TINAG: variants seen among roughly 807,000 people sequenced by gnomAD.
TINAG encodes tubulointerstitial nephritis antigen.
In TINAG, 83 loss-of-function variants were observed where a neutral mutation model predicts 72.7. That is an observed-to-expected ratio of 1.14 (90% CI 0.96 to 1.37). The LOEUF (loss-of-function observed/expected upper bound fraction) is 1.37. Among genes scored for constraint, TINAG ranks in the 40% most tolerant of loss-of-function variants. The pLI, the probability that TINAG is intolerant of heterozygous loss-of-function variation, is 0.00. For synonymous variants in TINAG, 234 were observed against 189.9 expected, an observed-to-expected ratio of 1.23 and a Z score of -1.91; for missense variants, 685 against 576.6, an observed-to-expected ratio of 1.19 and a Z score of -1.93.
At chr6:54,363,174 A>G (rs1763292255) in intron 9 of TINAG, among the ~76,000 whole-genome samples, 2 of 151,582 alleles carry the variant, frequency 1.3e-5, no homozygotes, top group Admixed American at 6.6e-5. Context: ...CTGAATCACA[A>G]ATGGCAGGAC....
rs777032102 is a variant in TINAG at position 54,380,590 on chromosome 6, TTGAATTCC to T, written c.1296+22_1296+29del. 7 of 1,603,786 alleles carry T rather than the reference TTGAATTCC, an allele frequency of 4.4e-6. No homozygotes were observed. In the African/African-American group the frequency reaches 9.4e-5, roughly 21 times the overall value. On this transcript the variant is annotated intron_variant, in intron 10 of 10. Coordinates refer to ENST00000259782, the MANE Select transcript of TINAG (RefSeq NM_014464.4). The stretch of plus-strand genomic sequence containing the variant: ...ATTTTGGGTATGTAACTCTTTCCAG[TTGAATTCC>T]TGCTGTGAAGTGAATATGTTCAAAT...
intron 4 of TINAG, among the ~76,000 whole-genome samples, chr6:54,331,105 T>C (rs1380556668): frequency 6.6e-6 from 1 of 152,222 alleles, no homozygotes; most frequent in Non-Finnish European, 1.5e-5. Context: ...TAACTCATTT[T>C]ATGAGGCCAG....
chr6:54,356,482 A>C (rs1763045235), intron 9 of TINAG, among the ~76,000 whole-genome samples: 1 of 151,958 alleles, frequency 6.6e-6, no homozygotes, highest in Non-Finnish European at 1.5e-5. Context: ...GGTTGCAGTG[A>C]GCTTAAATCT....
At chr6:54,353,472 G>A (rs1444996476) in intron 8 of TINAG, among the ~76,000 whole-genome samples, 5 of 151,820 alleles carry the variant, frequency 3.3e-5, no homozygotes, top group Admixed American at 1.3e-4. Context: ...AAATCTGTAG[G>A]ATTGAAAATA....
At chr6:54,330,463 G>A (rs1402685328) in intron 4 of TINAG, among the ~76,000 whole-genome samples, 1 of 152,198 alleles carries the variant, frequency 6.6e-6, no homozygotes, top group Admixed American at 6.5e-5. Flanking sequence ...ACAGTGTTTA[G>A]AGGGAAATTT....
intron 1 of TINAG, among the ~76,000 whole-genome samples, chr6:54,317,331 A>C (rs1784394392): frequency 6.6e-6 from 1 of 151,816 alleles, no homozygotes; most frequent in South Asian, 2.1e-4. Flanking sequence ...CTCATCTTGG[A>C]TTGTAGCTCC....
intron 9 of TINAG, among the ~76,000 whole-genome samples, chr6:54,376,130 A>G (rs2150979467): frequency 6.6e-6 from 1 of 152,264 alleles, no homozygotes; most frequent in Non-Finnish European, 1.5e-5. Context: ...AGAAATTTCT[A>G]CTCAACTCTG....
chr6:54,371,613 G>A (rs1763610604), intron 9 of TINAG, among the ~76,000 whole-genome samples: 1 of 151,656 alleles, frequency 6.6e-6, no homozygotes, highest in Non-Finnish European at 1.5e-5. Context: ...TGATTTCACA[G>A]GTAGATGAAT....
chr6:54,389,985 C>T lies in TINAG; in HGVS notation c.*60C>T. 3 of 1,574,448 alleles carry T rather than the reference C, an allele frequency of 1.9e-6. No individual in the cohort carries two copies. The highest frequency in any genetic ancestry group is 2.6e-6 in the Non-Finnish European group (3 of 1,163,356). ...AGTAACCCCCTAAATTGAAGTTTAGCAATATGACATTCTTGGTGACAGTGG... is the reference window on the plus strand; with the variant it reads ...AGTAACCCCCTAAATTGAAGTTTAGTAATATGACATTCTTGGTGACAGTGG... On this transcript the variant is annotated 3_prime_UTR_variant, in exon 11 of 11. Coordinates refer to ENST00000259782, the MANE Select transcript of TINAG (RefSeq NM_014464.4).
intron 4 of TINAG, among the ~76,000 whole-genome samples, chr6:54,341,759 T>A (rs1398997779): frequency 6.6e-6 from 1 of 152,014 alleles, no homozygotes; most frequent in African/African-American, 2.4e-5. Flanking sequence ...TTGGTAAAAA[T>A]TTTTAACATT....
At chr6:54,366,258 G>GTA (rs1330677195) in intron 9 of TINAG, among the ~76,000 whole-genome samples, 1 of 150,970 alleles carries the variant, frequency 6.6e-6, no homozygotes, top group African/African-American at 2.4e-5. Flanking sequence ...ACGTGTATGT[G>GTA]TGTGTGTGTG....
At chr6:54,369,711 T>G (rs1763547138) in intron 9 of TINAG, among the ~76,000 whole-genome samples, 1 of 151,960 alleles carries the variant, frequency 6.6e-6, no homozygotes, top group East Asian at 1.9e-4. Context: ...TCATTATAAT[T>G]ACTGCCATTA....
At chr6:54,308,165 A>T, upstream of TINAG, 1 of 1,525,206 alleles carries the variant, frequency 6.6e-7, no homozygotes, top group Non-Finnish European at 8.9e-7. Flanking sequence ...TATTACAGCC[A>T]TAATCTGGGC....
chr6:54,335,143 T>C (rs1270957251), intron 4 of TINAG, among the ~76,000 whole-genome samples: 1 of 152,178 alleles, frequency 6.6e-6, no homozygotes, highest in Non-Finnish European at 1.5e-5. Context: ...ACATATCCTT[T>C]ATAAACAAAT....
intron 10 of TINAG, among the ~76,000 whole-genome samples, chr6:54,381,887 G>A (rs1304414142): frequency 6.6e-6 from 1 of 151,876 alleles, no homozygotes; most frequent in African/African-American, 2.4e-5. Context: ...AGCACTTGAT[G>A]GCCATTTGCT....
In TINAG at chr6:54,349,746, C is replaced by T. The variant is rs749207390; in HGVS notation, c.930C>T (p.Phe310=). 1 of 1,599,988 alleles carries T rather than the reference C, an allele frequency of 6.3e-7. No homozygotes were observed. The highest frequency in any genetic ancestry group is 1.1e-5 in the South Asian group (1 of 89,164). Residue 310 remains phenylalanine (F), a synonymous_variant, in exon 7 of 11, where the codon TTC becomes TTT. Coordinates refer to ENST00000259782, the MANE Select transcript of TINAG (RefSeq NM_014464.4). ...GLVSHACYPL[F]KDQNATNNGC... ...TATCCCACGCATGCTACCCACTTTT[C>T]AAAGACCAAAATGCTACCAACAATG...
intron 10 of TINAG, among the ~76,000 whole-genome samples, chr6:54,381,062 A>T (rs1389933643): frequency 6.7e-6 from 1 of 148,418 alleles, no homozygotes; most frequent in African/African-American, 2.5e-5. Flanking sequence ...ATATATACAC[A>T]TATATGTATA....
chr6:54,311,321 C>G (rs759737142), intron 1 of TINAG, among the ~76,000 whole-genome samples: 16 of 152,098 alleles, frequency 1.1e-4, no homozygotes, highest in Non-Finnish European at 2.4e-4. Context: ...TGGGTGGACA[C>G]CTAAGTTGTC....
At chr6:54,364,770 A>G (rs1166295028) in intron 9 of TINAG, among the ~76,000 whole-genome samples, 1 of 148,242 alleles carries the variant, frequency 6.7e-6, no homozygotes, top group Non-Finnish European at 1.5e-5. Flanking sequence ...ATATCTCTAT[A>G]TCTATCTATC....
Sources: gnomAD v4.1 joint callset for allele counts (sites outside exome capture counted in the v4.1 genomes callset) on GRCh38, gnomAD v4.1.1 for gene constraint, MANE v1.5 for transcripts, NCBI Gene and HGNC (gene_info 2026-07-23, HGNC 2026-07-21) for gene names.